Variants in HACD2 observed in about 807,000 individuals in gnomAD.
HACD2 encodes very-long-chain (3R)-3-hydroxyacyl-CoA dehydratase 2.
In HACD2, 15 loss-of-function variants were observed where a neutral mutation model predicts 31.0. The ratio of observed to expected loss-of-function variants is 0.48; its 90% CI spans 0.32 to 0.75. HACD2 has a LOEUF of 0.75. Ranked by LOEUF, HACD2 falls within the 30% of genes least tolerant of loss-of-function variation. The pLI, the probability that HACD2 is intolerant of heterozygous loss-of-function variation, is 0.03. For synonymous variants in HACD2, 115 were observed against 122.2 expected (o/e 0.94, Z 0.39); for missense variants, 283 against 313.0 (o/e 0.90, Z 0.72).
At chr3:123,547,727 A>G (rs1185172548) in intron 3 of HACD2, among the ~76,000 whole-genome samples, 1 of 152,214 alleles carries the variant, frequency 6.6e-6, no homozygotes, top group Non-Finnish European at 1.5e-5. Flanking sequence ...GTTAGATTAC[A>G]TAGAAATAAA....
intron 6 of HACD2, among the ~76,000 whole-genome samples, chr3:123,495,279 T>C (rs1457745384): frequency 6.6e-6 from 1 of 152,226 alleles, no homozygotes; most frequent in Non-Finnish European, 1.5e-5. Flanking sequence ...ATGTATTATC[T>C]CCACATTTAT....
At chr3:123,540,186 T>C (rs967897686) in intron 3 of HACD2, among the ~76,000 whole-genome samples, 4 of 152,144 alleles carry the variant, frequency 2.6e-5, no homozygotes, top group African/African-American at 9.7e-5. Flanking sequence ...GGTTTCTAGT[T>C]CACTGGATGT....
intron 3 of HACD2, among the ~76,000 whole-genome samples, chr3:123,552,404 C>G (rs1179287673): frequency 1.3e-5 from 2 of 152,138 alleles, no homozygotes; most frequent in African/African-American, 2.4e-5. Context: ...CCCCCACCGA[C>G]CTCTTCAAGC....
intron 6 of HACD2, among the ~76,000 whole-genome samples, chr3:123,499,102 T>C (rs1388476245): frequency 6.6e-6 from 1 of 152,178 alleles, no homozygotes; most frequent in Admixed American, 6.5e-5. Context: ...CCCTGCCCCT[T>C]TCCCAGTCAC....
At chr3:123,525,767 T>A (rs1254775892) in intron 4 of HACD2, among the ~76,000 whole-genome samples, 1 of 152,280 alleles carries the variant, frequency 6.6e-6, no homozygotes, top group African/African-American at 2.4e-5. Flanking sequence ...TGAAAAGAAT[T>A]TGAACATTAC....
chr3:123,516,823 GTTCAGCCTGT>G (rs1240101940), intron 4 of HACD2, among the ~76,000 whole-genome samples: 1 of 152,176 alleles, frequency 6.6e-6, no homozygotes, highest in Non-Finnish European at 1.5e-5. Flanking sequence ...GTTCCTATGT[GTTCAGCCTGT>G]TTTCTGGAAA....
chr3:123,566,896 G>C (rs2056797924), intron 3 of HACD2, among the ~76,000 whole-genome samples: 2 of 152,144 alleles, frequency 1.3e-5, no homozygotes, highest in South Asian at 4.1e-4. Flanking sequence ...ACCTCTGCTA[G>C]ACCCACAGTG....
At chr3:123,504,529 G>GT (rs1177810530) in intron 4 of HACD2, among the ~76,000 whole-genome samples, 2 of 148,320 alleles carry the variant, frequency 1.3e-5, no homozygotes, top group African/African-American at 2.5e-5. Context: ...CTTCAAATAG[G>GT]TAAAAAAAAA....
intron 2 of HACD2, among the ~76,000 whole-genome samples, chr3:123,579,576 T>C (rs1214807852): frequency 1.3e-5 from 2 of 152,138 alleles, no homozygotes; most frequent in Non-Finnish European, 2.9e-5. Flanking sequence ...AGCTCTGGGA[T>C]TGCTGGGACT....
At chr3:123,557,324 A>AG (rs746601226) in intron 3 of HACD2, among the ~76,000 whole-genome samples, 1 of 152,154 alleles carries the variant, frequency 6.6e-6, no homozygotes, top group Non-Finnish European at 1.5e-5. Context: ...CCTTATCCCC[A>AG]GTCCATGGAA....
At chr3:123,528,168 A>G (rs2056307989) in intron 4 of HACD2, among the ~76,000 whole-genome samples, 1 of 152,174 alleles carries the variant, frequency 6.6e-6, no homozygotes, top group East Asian at 1.9e-4. Flanking sequence ...ACAGGACTTT[A>G]CCATTTAATC....
intron 4 of HACD2, among the ~76,000 whole-genome samples, chr3:123,522,065 G>A (rs1490268860): frequency 1.3e-5 from 2 of 152,116 alleles, no homozygotes; most frequent in Non-Finnish European, 2.9e-5. Flanking sequence ...CAGCACTCTG[G>A]GAGGCCGAGG....
In HACD2 at chr3:123,494,706, A is replaced by C. The variant is rs2107674870; in HGVS notation, c.*182T>G. 1 of 623,100 alleles carries C rather than the reference A, an allele frequency of 1.6e-6. No homozygotes were observed. The highest frequency in any genetic ancestry group is 2.8e-6 in the Non-Finnish European group (1 of 354,812). The allele number at this position is 623,100 out of a possible 1,614,324, so 38.6% of individuals were successfully genotyped here. On this transcript the variant is annotated 3_prime_UTR_variant, in exon 7 of 7. Transcript: ENST00000383657. ...AACTGGCCAGGGTGTTTTATGTAAC[A>C]ACCTTTTTCTAAAATAAAATCTCAG...
intron 3 of HACD2, among the ~76,000 whole-genome samples, chr3:123,541,944 G>A (rs2056495458): frequency 3.3e-5 from 5 of 151,782 alleles, no homozygotes; most frequent in Admixed American, 6.6e-5. Context: ...TCAGGAGATC[G>A]AGACCATCCC....
intron 2 of HACD2, among the ~76,000 whole-genome samples, chr3:123,570,730 G>A (rs1375140776): frequency 6.6e-6 from 1 of 152,126 alleles, no homozygotes; most frequent in East Asian, 1.9e-4. Flanking sequence ...TGTACGGTCT[G>A]TAAAAAGACC....
At chr3:123,540,917 A>C (rs1319520676) in intron 3 of HACD2, among the ~76,000 whole-genome samples, 2 of 152,226 alleles carry the variant, frequency 1.3e-5, no homozygotes, top group Non-Finnish European at 2.9e-5. Flanking sequence ...CTATTTTAAA[A>C]ATTTATCAAA....
In HACD2 at chr3:123,528,489, G is replaced by A; in HGVS notation, c.293-15C>T. 1 of 1,475,280 alleles carries A rather than the reference G, an allele frequency of 6.8e-7. No homozygotes were observed. Among genetic ancestry groups the A allele is most frequent in the Non-Finnish European group, 9.5e-7 (1 of 1,053,828 alleles). The allele number at this position is 1,475,280 out of a possible 1,614,324, so 91.4% of individuals were successfully genotyped here. A position where few individuals can be genotyped will look rare whatever the true frequency, so the allele number is the denominator to read the frequency against. On this transcript the variant is annotated splice_polypyrimidine_tract_variant and intron_variant, in intron 3 of 6. Coordinates refer to ENST00000383657, the MANE Select transcript of HACD2 (RefSeq NM_198402.5). ...TGGAACAATTCCTGAAAGAAATTTT[G>A]GGATGGATAAATAAATGTACTGTAC...
At chr3:123,566,080 T>C (rs2056788773) in intron 3 of HACD2, among the ~76,000 whole-genome samples, 1 of 152,140 alleles carries the variant, frequency 6.6e-6, no homozygotes, top group African/African-American at 2.4e-5. Flanking sequence ...TCAAAGGTCC[T>C]AAGCAGTATT....
intron 2 of HACD2, 97 bp from the exon 3 acceptor site, chr3:123,567,877 G>T: frequency 3.0e-6 from 2 of 660,850 alleles, no homozygotes; most frequent in Non-Finnish European, 4.8e-6. Context: ...GAATAGAGCA[G>T]CGTCTGCCAG....
Sources: allele counts gnomAD v4.1 joint callset (sites outside exome capture counted in the v4.1 genomes callset), GRCh38; gene constraint gnomAD v4.1.1; transcripts MANE v1.5; gene names NCBI Gene and HGNC (gene_info 2026-07-23, HGNC 2026-07-21).